The following TRPM6 variants were observed in gnomAD, a reference collection of about 807,000 sequenced individuals.
TRPM6 encodes transient receptor potential cation channel subfamily M member 6.
A neutral mutation model predicts 247.6 loss-of-function variants in TRPM6; 111 were observed. The observed-to-expected ratio is 0.45, with a 90% CI of 0.38 to 0.52. The LOEUF (loss-of-function observed/expected upper bound fraction) is 0.52. Among genes scored for constraint, TRPM6 ranks in the 20% least tolerant of loss-of-function variants. The pLI is 0.00. For synonymous variants in TRPM6, 892 were observed against 853.8 expected (o/e 1.04, Z -0.78); for missense variants, 2,126 against 2,421.5 (o/e 0.88, Z 2.56).
chr9:74,821,016 T>C (rs1392002439), intron 8 of TRPM6, among the ~76,000 whole-genome samples: 1 of 152,126 alleles, frequency 6.6e-6, no homozygotes. Flanking sequence ...AGAGCAATCA[T>C]AAGCAAAGGC....
intron 3 of TRPM6, among the ~76,000 whole-genome samples, chr9:74,849,925 A>G (rs2118275342): frequency 6.6e-6 from 1 of 152,368 alleles, no homozygotes; most frequent in South Asian, 2.1e-4. Context: ...ACCTGTAGCA[A>G]TGCTCAGTGT....
intron 1 of TRPM6, among the ~76,000 whole-genome samples, chr9:74,886,413 T>C (rs1025342480): frequency 6.6e-6 from 1 of 152,170 alleles, no homozygotes; most frequent in African/African-American, 2.4e-5. Context: ...ATAACTCGTT[T>C]CCCACTTTAA....
intron 4 of TRPM6, among the ~76,000 whole-genome samples, chr9:74,841,872 G>A (rs997649375): frequency 3.9e-5 from 6 of 152,036 alleles, no homozygotes; most frequent in African/African-American, 7.2e-5. Context: ...CATCAGGAAC[G>A]GTGCAGCTAT....
intron 1 of TRPM6, among the ~76,000 whole-genome samples, chr9:74,866,337 C>T (rs1830842834): frequency 6.6e-6 from 1 of 152,034 alleles, no homozygotes. Context: ...GTAACTTAGA[C>T]AAATTCAAAA....
chr9:74,767,124 T>C (rs1826854244), intron 25 of TRPM6, among the ~76,000 whole-genome samples: 1 of 152,138 alleles, frequency 6.6e-6, no homozygotes. Context: ...TGCTGGGAGG[T>C]GTCACAGATG....
At chr9:74,773,923 T>C (rs1353177998) in intron 24 of TRPM6, among the ~76,000 whole-genome samples, 1 of 152,138 alleles carries the variant, frequency 6.6e-6, no homozygotes, top group Non-Finnish European at 1.5e-5. Context: ...CCAACTCTAA[T>C]GTCTTCTTTC....
chr9:74,852,447 C>T lies in TRPM6; in HGVS notation c.152+3080G>A, dbSNP rs1212578706. 1.2e-4 allele frequency among the ~76,000 whole-genome samples: 16 copies of T among 135,610 alleles called. 1 individual carries two copies. Among genetic ancestry groups the T allele is most frequent in the South Asian group, 7.5e-4 (3 of 4,020 alleles). 89.0% of individuals were successfully genotyped at this position (135,610 alleles called of 152,430 possible). A position where few individuals can be genotyped will look rare whatever the true frequency, so the allele number is the denominator to read the frequency against. ...CTCTCCCGCTCCCTCTCCCGCTCCCCCTCCTCCCTCTCCCTCTCCCTCTCC... is the reference window on the plus strand; with the variant it reads ...CTCTCCCGCTCCCTCTCCCGCTCCCTCTCCTCCCTCTCCCTCTCCCTCTCC... On this transcript the variant is annotated intron_variant, in intron 3 of 38. Coordinates refer to ENST00000360774, the MANE Select transcript of TRPM6 (RefSeq NM_017662.5).
chr9:74,728,249 G>A lies in TRPM6; in HGVS notation c.5925C>T (p.Leu1975=). 6.2e-7 allele frequency: 1 copy of A among 1,613,752 alleles called. No individual in the cohort carries two copies. The highest frequency in any genetic ancestry group is 8.5e-7 in the Non-Finnish European group (1 of 1,179,650). The change falls in exon 38 of 39, where the codon CTC becomes CTT. Residue 1975 remains leucine, a synonymous_variant. Coordinates refer to ENST00000360774, the MANE Select transcript of TRPM6 (RefSeq NM_017662.5). ...CTGTTAGTGGCATACCCGGGAGTTT[G>A]AGCTTCCGGCAGCAGGAGTTACAAT... ...KHHCNSCCRK[L]KLPDLKRNDY...
intron 34 of TRPM6, 115 bp downstream of exon 34, chr9:74,739,608 A>C: frequency 6.5e-7 from 1 of 1,546,864 alleles, no homozygotes; most frequent in Non-Finnish European, 8.9e-7. Flanking sequence ...ACTACCTCTA[A>C]AAAATAATAG....
At chr9:74,826,653 A>G (rs1403177905) in intron 7 of TRPM6, 1 of 152,364 alleles carries the variant, frequency 6.6e-6, no homozygotes, top group African/African-American at 2.4e-5. Flanking sequence ...TAAAACTACC[A>G]AAATGGCCCT....
chr9:74,792,204 T>G (rs896700106), intron 19 of TRPM6, among the ~76,000 whole-genome samples: 1 of 152,236 alleles, frequency 6.6e-6, no homozygotes, highest in African/African-American at 2.4e-5. Context: ...TGCAACAACA[T>G]ACTTGAGGGA....
intron 6 of TRPM6, among the ~76,000 whole-genome samples, chr9:74,830,401 G>GT (rs1414820655): frequency 1.3e-5 from 2 of 151,232 alleles, no homozygotes; most frequent in South Asian, 2.1e-4. Flanking sequence ...TGTTTGTTTT[G>GT]TTTTTTTCTT....
At chr9:74,798,251 T>C (rs570704719) in intron 17 of TRPM6, among the ~76,000 whole-genome samples, 1 of 145,526 alleles carries the variant, frequency 6.9e-6, no homozygotes, top group African/African-American at 2.6e-5. Flanking sequence ...CGAAGTCATA[T>C]CCTTGTCAAC....
chr9:74,734,775 A>G (rs1825637225), intron 36 of TRPM6, among the ~76,000 whole-genome samples: 1 of 152,140 alleles, frequency 6.6e-6, no homozygotes. Context: ...TATGCTCCCT[A>G]AGGAACAGAA....
rs1825187968 is a variant in TRPM6 at position 74,722,930 on chromosome 9, G to A, written c.*1683C>T. 1 of 150,858 alleles carries A rather than the reference G, an allele frequency of 6.6e-6. No homozygotes were observed. The highest frequency in any genetic ancestry group is 1.5e-5 in the Non-Finnish European group (1 of 67,568). The allele number at this position is 150,858 out of a possible 1,614,324, so 9.3% of individuals were successfully genotyped here. A position where few individuals can be genotyped will look rare whatever the true frequency, so the allele number is the denominator to read the frequency against. Reference sequence around the variant, plus strand: ...ATTTTTAAAGCAAGCTCACTAGCAAGTCAGCTAATGTCAGGATTAAAGATA... The same window carrying A: ...ATTTTTAAAGCAAGCTCACTAGCAAATCAGCTAATGTCAGGATTAAAGATA... On this transcript the variant is annotated 3_prime_UTR_variant, in exon 39 of 39. Coordinates refer to ENST00000360774, the MANE Select transcript of TRPM6 (RefSeq NM_017662.5).
chr9:74,870,370 TAGGA>T (rs1830982493), intron 1 of TRPM6, among the ~76,000 whole-genome samples: 1 of 152,076 alleles, frequency 6.6e-6, no homozygotes, highest in Admixed American at 6.6e-5. Flanking sequence ...ACTAAGGGAA[TAGGA>T]GTTTGGGATA....
At chr9:74,728,465 A>G (rs2118680125) in intron 37 of TRPM6, 120 bp from the exon 38 acceptor site, 2 of 730,468 alleles carry the variant, frequency 2.7e-6, no homozygotes, top group African/African-American at 1.8e-5. Flanking sequence ...GAGCCAACAA[A>G]AAACAGAGCA....
chr9:74,855,225 C>CA (rs563403921), intron 3 of TRPM6, among the ~76,000 whole-genome samples: 90 of 152,298 alleles, frequency 5.9e-4, no homozygotes, highest in Middle Eastern at 6.8e-3. Flanking sequence ...CCCGTATGCG[C>CA]ATGCAGCATC....
chr9:74,868,914 G>A (rs1830936967), intron 1 of TRPM6, among the ~76,000 whole-genome samples: 1 of 152,118 alleles, frequency 6.6e-6, no homozygotes, highest in Admixed American at 6.6e-5. Context: ...AGAGTTTGGG[G>A]GATAGAGAAT....
Sources: gnomAD v4.1 joint callset for allele counts (sites outside exome capture counted in the v4.1 genomes callset) on GRCh38, gnomAD v4.1.1 for gene constraint, MANE v1.5 for transcripts, NCBI Gene and HGNC (gene_info 2026-07-23, HGNC 2026-07-21) for gene names.